Variants in DMD observed in about 807,000 individuals in gnomAD.
The protein encoded by DMD is dystrophin.
A neutral mutation model predicts 330.1 loss-of-function variants in DMD; 63 were observed. The observed-to-expected ratio is 0.19, with a 90% CI of 0.16 to 0.24. The LOEUF is 0.24. Ranked by LOEUF, DMD falls within the 10% of genes least tolerant of loss-of-function variation. DMD has a pLI of 1.00. For synonymous variants in DMD, 1,223 were observed against 959.8 expected, an observed-to-expected ratio of 1.27 and a Z score of -5.07; for missense variants, 3,344 against 2,684.1, an observed-to-expected ratio of 1.25 and a Z score of -5.43.
At position 32,448,902 on chromosome X, in the gene DMD, G is replaced by A. The variant is rs760327303; in HGVS notation, c.3604-264C>T. ...AGTCTGCATGGAGGTATGGATTTGT[G>A]GTCAAATATATACACATTGATATAA... On this transcript the variant is annotated intron_variant, in intron 26 of 78. Transcript: ENST00000357033. Among the ~76,000 whole-genome samples, 3 of 110,146 alleles carry A rather than the reference G, an allele frequency of 2.7e-5. No homozygotes were observed. The South Asian group carries it at 1.1e-3, about 41-fold the overall frequency.
At chrX:32,249,558 A>G (rs996422489) in intron 43 of DMD, among the ~76,000 whole-genome samples, 2 of 111,530 alleles carry the variant, frequency 1.8e-5, no homozygotes, top group South Asian at 7.5e-4. Context: ...TATTTTACTT[A>G]TGAGAAAATT....
chrX:31,323,248 A>C (rs2056549040), intron 62 of DMD, among the ~76,000 whole-genome samples: 1 of 111,913 alleles, frequency 8.9e-6, no homozygotes, highest in Admixed American at 9.5e-5. Context: ...GGAAGAAGAA[A>C]TGTGAGAAAA....
chrX:31,122,792 G>A (rs1329992733), intron 78 of DMD, among the ~76,000 whole-genome samples: 2 of 111,658 alleles, frequency 1.8e-5, no homozygotes, highest in East Asian at 2.8e-4. Context: ...GACCTAGCAC[G>A]AATCTCCCAG....
intron 74 of DMD, among the ~76,000 whole-genome samples, chrX:31,152,640 C>A (rs745842108): frequency 6.1e-4 from 68 of 110,751 alleles, no homozygotes; most frequent in Non-Finnish European, 8.9e-4. Flanking sequence ...CTCAAGCGAT[C>A]CTCCTATCTC....
chrX:31,140,464 C>T (rs973553781), intron 76 of DMD, among the ~76,000 whole-genome samples: 40 of 112,301 alleles, frequency 3.6e-4, no homozygotes, highest in African/African-American at 1.2e-3. Context: ...TTGTGTATTT[C>T]CTGCCTTTCT....
At chrX:31,689,253 T>A (rs1221423535) in intron 52 of DMD, among the ~76,000 whole-genome samples, 1 of 112,529 alleles carries the variant, frequency 8.9e-6, no homozygotes, top group African/African-American at 3.2e-5. Flanking sequence ...CTTAAGCTGA[T>A]AAGCAACTTC....
intron 45 of DMD, among the ~76,000 whole-genome samples, chrX:31,961,574 G>A (rs2095303498): frequency 9.0e-6 from 1 of 110,913 alleles, no homozygotes; most frequent in African/African-American, 3.3e-5. Flanking sequence ...AATATTACAT[G>A]AGTGTTATAA....
At position 32,699,085 on chromosome X, in the gene DMD, A is replaced by G. The variant is rs751531760; in HGVS notation, c.831+27T>C. 7 of 1,179,527 alleles carry G rather than the reference A, an allele frequency of 5.9e-6. No homozygotes were observed. The South Asian group carries it at 1.2e-4, about 21-fold the overall frequency. On this transcript the variant is annotated intron_variant, in intron 8 of 78. Coordinates refer to ENST00000357033, the MANE Select transcript of DMD (RefSeq NM_004006.3). ...GCATATAAAACAGAAAACATCTTGA[A>G]TAGTAGCTGTCCTTTACACACTTTA...
chrX:32,642,656 T>C (rs967030630), intron 11 of DMD, among the ~76,000 whole-genome samples: 16 of 112,107 alleles, frequency 1.4e-4, no homozygotes, highest in African/African-American at 4.9e-4. Flanking sequence ...AAAGAAAAAG[T>C]TGCAATTTTA....
chrX:32,821,212 C>A (rs1310330270), intron 5 of DMD, among the ~76,000 whole-genome samples: 6 of 111,587 alleles, frequency 5.4e-5, no homozygotes, highest in Non-Finnish European at 1.1e-4. Context: ...ATTAGGAGAG[C>A]AACATGGCTG....
chrX:32,963,124 CCA>C (rs1407558416), intron 2 of DMD, among the ~76,000 whole-genome samples: 1 of 111,419 alleles, frequency 9.0e-6, no homozygotes, highest in Non-Finnish European at 1.9e-5. Context: ...TACACGCATG[CCA>C]CATATACAGA....
rs398124086 is a variant in DMD at position 31,266,935 on chromosome X, C to T, written c.9225-5919G>A. ...AGCGCCGCCGCCGCCGCCGCCCAAG[C>T]TCACAGCTGAAAGCACTGCGGAGGA... On this transcript the variant is annotated intron_variant, in intron 62 of 78. Transcript: ENST00000357033. 2.2e-5 allele frequency: 25 copies of T among 1,149,498 alleles called. No homozygotes were observed. The Admixed American group carries it at 3.1e-4, about 14-fold the overall frequency. The allele number at this position is 1,149,498 out of a possible 1,213,427, so 94.7% of individuals were successfully genotyped here. A position where few individuals can be genotyped will look rare whatever the true frequency, so the allele number is the denominator to read the frequency against.
At chrX:33,088,646 C>G in intron 1 of DMD, among the ~76,000 whole-genome samples, 1 of 111,115 alleles carries the variant, frequency 9.0e-6, no homozygotes, top group East Asian at 2.8e-4. Flanking sequence ...CATCGCGCCA[C>G]TGCACTCCAG....
At chrX:31,305,981 TTTGCTGTTG>T (rs1356789204) in intron 62 of DMD, among the ~76,000 whole-genome samples, 1 of 112,238 alleles carries the variant, frequency 8.9e-6, no homozygotes, top group Non-Finnish European at 1.9e-5. Flanking sequence ...CAAAATATTT[TTTGCTGTTG>T]TTGTTGTTGT....
chrX:31,476,417 A>G (rs1255790210), intron 59 of DMD, among the ~76,000 whole-genome samples: 1 of 101,090 alleles, frequency 9.9e-6, no homozygotes, highest in Non-Finnish European at 2.0e-5. Flanking sequence ...ATATATATAT[A>G]TATACACACA....
intron 47 of DMD, among the ~76,000 whole-genome samples, chrX:31,884,274 G>T (rs1048797129): frequency 9.0e-6 from 1 of 111,705 alleles, no homozygotes; most frequent in Non-Finnish European, 1.9e-5. Flanking sequence ...AACGGTTAAA[G>T]AAATTGCGGT....
chrX:32,735,154 T>A (rs1161507750), intron 7 of DMD, among the ~76,000 whole-genome samples: 2 of 107,854 alleles, frequency 1.9e-5, no homozygotes, highest in African/African-American at 3.5e-5. Context: ...ATGAGTGAAC[T>A]CCCATTCACA....
intron 1 of DMD, among the ~76,000 whole-genome samples, chrX:33,242,142 A>G (rs938553652): frequency 9.0e-6 from 1 of 111,600 alleles, no homozygotes; most frequent in Admixed American, 9.5e-5. Context: ...TTATTGGGGT[A>G]CAGGTGGTAT....
At chrX:32,579,998 T>G (rs1481252434) in intron 13 of DMD, among the ~76,000 whole-genome samples, 1 of 99,148 alleles carries the variant, frequency 1.0e-5, no homozygotes, top group East Asian at 3.3e-4. Flanking sequence ...CTTTGCAGGA[T>G]ATTATTTAAT....
Sources: gnomAD v4.1 joint callset for allele counts (sites outside exome capture counted in the v4.1 genomes callset) on GRCh38, gnomAD v4.1.1 for gene constraint, MANE v1.5 for transcripts, NCBI Gene and HGNC (gene_info 2026-07-23, HGNC 2026-07-21) for gene names.